Variants in MSANTD2 observed in about 807,000 individuals in gnomAD.
The protein encoded by MSANTD2 is Myb/SANT DNA binding domain containing 2.
MSANTD2 carries 19 observed loss-of-function variants against 52.6 expected under a neutral mutation model. The observed-to-expected ratio is 0.36, with a 90% CI of 0.25 to 0.53. The LOEUF is 0.53. MSANTD2 is among the 20% of genes least tolerant of loss of function. The pLI, the probability that MSANTD2 is intolerant of heterozygous loss-of-function variation, is 0.91. For missense variants in MSANTD2, 558 were observed against 716.3 expected (o/e 0.78, Z 2.52); for synonymous variants, 291 against 289.7 (o/e 1.00, Z -0.04).
At chr11:124,773,106 C>T in intron 2 of MSANTD2, 52 bp from the exon 3 acceptor site, 1 of 1,033,626 alleles carries the variant, frequency 9.7e-7, no homozygotes, top group South Asian at 1.3e-5. Context: ...TGGTGGCATG[C>T]ATGTATGTAG....
At chr11:124,787,900 C>T (rs926860697) in intron 1 of MSANTD2, among the ~76,000 whole-genome samples, 21 of 151,922 alleles carry the variant, frequency 1.4e-4, no homozygotes, top group Non-Finnish European at 2.6e-4. Context: ...AAGAGACCAG[C>T]CTGGGCAACA....
intron 3 of MSANTD2, among the ~76,000 whole-genome samples, chr11:124,768,355 G>C (rs1944381051): frequency 1.3e-5 from 2 of 152,044 alleles, no homozygotes; most frequent in Admixed American, 1.3e-4. Context: ...TGTATAATCA[G>C]AATCAATACC....
chr11:124,772,847 T>C (rs1178333332), intron 3 of MSANTD2, 147 bp downstream of exon 3: 7 of 625,178 alleles, frequency 1.1e-5, no homozygotes, highest in Non-Finnish European at 5.7e-6. Context: ...TTTAAGTGAG[T>C]CCCTGATTAA....
At chr11:124,778,439 C>T (rs928811791) in intron 1 of MSANTD2, among the ~76,000 whole-genome samples, 8 of 152,114 alleles carry the variant, frequency 5.3e-5, no homozygotes, top group Admixed American at 2.6e-4. Context: ...GAAATCTCCC[C>T]GGTAAATTGA....
At chr11:124,788,668 C>A (rs959002248) in intron 1 of MSANTD2, among the ~76,000 whole-genome samples, 1 of 152,130 alleles carries the variant, frequency 6.6e-6, no homozygotes, top group Non-Finnish European at 1.5e-5. Context: ...CTCTTTAGGG[C>A]TCCACATAAT....
intron 1 of MSANTD2, 34 bp downstream of exon 1, chr11:124,799,837 C>G: frequency 2.0e-6 from 3 of 1,521,534 alleles, no homozygotes; most frequent in Non-Finnish European, 2.7e-6. Flanking sequence ...CTCTCTGCCT[C>G]TGGTTCGCTG....
rs1425570205 is a variant in MSANTD2 at position 124,767,767 on chromosome 11, C to T, written c.1089G>A (p.Val363=). The T allele has an allele frequency of 6.2e-7, 1 of 1,614,114 alleles. No homozygotes were observed. Among genetic ancestry groups the T allele is most frequent in the African/African-American group, 1.3e-5 (1 of 74,930 alleles). Reference sequence around the variant, plus strand: ...AAACATTTTTCCAGTTCATTTTCTGCACTCGGGTCATAATGATCCGTCCTT... The same window carrying T: ...AAACATTTTTCCAGTTCATTTTCTGTACTCGGGTCATAATGATCCGTCCTT... ...KPEGRIIMTR[V]QKMNWKNVYY... Residue 363 remains valine, a synonymous_variant, in exon 4 of 4, where the codon GTG becomes GTA. Transcript: ENST00000374979. This position sits in a 1 kb window ranked among gnomAD's most constrained non-coding sequence, Gnocchi z 6.5.
intron 1 of MSANTD2, among the ~76,000 whole-genome samples, chr11:124,796,185 T>C (rs587595): frequency 0.48 from 73,513 of 152,030 alleles, 19,972 homozygotes; most frequent in African/African-American, 0.75. Context: ...AATTTTAGTA[T>C]TTTTACTGTA....
chr11:124,775,498 A>G (rs959986137), intron 1 of MSANTD2: 4 of 154,618 alleles, frequency 2.6e-5, no homozygotes, highest in South Asian at 2.0e-4. Flanking sequence ...CTAGTAAAAC[A>G]TATTACTTAC....
At chr11:124,792,282 T>C (rs1411979156) in intron 1 of MSANTD2, 1 of 152,312 alleles carries the variant, frequency 6.6e-6, no homozygotes, top group Non-Finnish European at 1.5e-5. Flanking sequence ...CCAAAACTAC[T>C]GGCTCCACCA....
intron 1 of MSANTD2, among the ~76,000 whole-genome samples, chr11:124,794,236 A>T (rs987869002): frequency 1.3e-5 from 2 of 152,170 alleles, no homozygotes; most frequent in Non-Finnish European, 1.5e-5. Context: ...CAGAATATTT[A>T]ACTCCACCCT....
chr11:124,786,943 A>C (rs1211335955), intron 1 of MSANTD2, among the ~76,000 whole-genome samples: 1 of 152,222 alleles, frequency 6.6e-6, no homozygotes, highest in Non-Finnish European at 1.5e-5. Context: ...GGTTCCAGAG[A>C]AACACTGCTT....
intron 3 of MSANTD2, among the ~76,000 whole-genome samples, chr11:124,769,352 TGA>T (rs1251150974): frequency 5.9e-5 from 9 of 152,248 alleles, no homozygotes; most frequent in Admixed American, 3.9e-4. Flanking sequence ...CTTTCAAGTA[TGA>T]GAGTGGCTAT....
At chr11:124,797,611 G>A (rs1830032265) in intron 1 of MSANTD2, among the ~76,000 whole-genome samples, 1 of 152,168 alleles carries the variant, frequency 6.6e-6, no homozygotes, top group Non-Finnish European at 1.5e-5. Flanking sequence ...ATTCTGGCAG[G>A]AACACTCAAC....
intron 3 of MSANTD2, among the ~76,000 whole-genome samples, chr11:124,772,008 A>G (rs1944541849): frequency 6.6e-6 from 1 of 152,238 alleles, no homozygotes; most frequent in South Asian, 2.1e-4. Context: ...ACTTAAAGCT[A>G]TTAAAAAGAA....
chr11:124,767,630 T>C lies in MSANTD2; in HGVS notation c.1226A>G (p.Gln409Arg), dbSNP rs542477471. 2 of 1,614,220 alleles carry C rather than the reference T, an allele frequency of 1.2e-6. No individual in the cohort carries two copies. Among genetic ancestry groups the C allele is most frequent in the East Asian group, 2.2e-5 (1 of 44,890 alleles). Residue 409 changes from glutamine (Q) to arginine (R), a missense_variant, in exon 4 of 4, where the codon CAA becomes CGA. Physicochemically the swap from Gln to Arg is conservative, Grantham distance 43 (BLOSUM62 1). This residue lies in a region of MSANTD2 where 408 missense variants were observed against 573.6 expected (regional missense o/e 0.71). Transcript: ENST00000374979. The surrounding 1 kb of genome is among the most constrained non-coding windows in gnomAD (Gnocchi z 6.5). ...AGGAATACCCCCAGGCAATAAATAT[T>C]GAACAACATTCCCACCAGTTGGTTT... Reference protein sequence around the residue: ...HSKPTGGNVVQYLLPGGIPKS... With the variant: ...HSKPTGGNVVRYLLPGGIPKS...
Position 124,768,033 on chromosome 11 carries a change from A to G in MSANTD2, c.828-5T>C, listed in dbSNP as rs375850963. Reference sequence around the variant, plus strand: ...TTCTGCATGATGTCTCTCTTCCTGGAAAGACAAATAAAAGTCAAATTCCCT... The same window carrying G: ...TTCTGCATGATGTCTCTCTTCCTGGGAAGACAAATAAAAGTCAAATTCCCT... On this transcript the variant is annotated splice_region_variant and splice_polypyrimidine_tract_variant and intron_variant, in intron 3 of 3. Transcript: ENST00000374979. 5.3e-5 allele frequency: 85 copies of G among 1,589,738 alleles called. No homozygotes were observed. Among genetic ancestry groups the G allele is most frequent in the African/African-American group, 3.0e-4 (22 of 73,870 alleles).
chr11:124,789,422 C>G (rs1945262264), intron 1 of MSANTD2: 2 of 152,256 alleles, frequency 1.3e-5, no homozygotes, highest in Admixed American at 6.5e-5. Flanking sequence ...TCTAAGTAAA[C>G]AACTTCTACT....
Position 124,772,897 on chromosome 11 carries a change from C to T in MSANTD2, c.827+97G>A, listed in dbSNP as rs540923562. On this transcript the variant is annotated intron_variant, in intron 3 of 3. Coordinates refer to ENST00000374979, the MANE Select transcript of MSANTD2 (RefSeq NM_001308027.2). The stretch of plus-strand genomic sequence containing the variant: ...TAGACATGCCTCCTTGGTGAATGGC[C>T]GGAACTTTCATAATATGTCTAAATA... 60 of 792,034 alleles carry T rather than the reference C, an allele frequency of 7.6e-5. 1 individual carries two copies. In the African/African-American group the frequency reaches 8.3e-4, roughly 11 times the overall value. The allele number at this position is 792,034 out of a possible 1,614,324, so 49.1% of individuals were successfully genotyped here.
Sources: gnomAD v4.1 joint callset for allele counts (sites outside exome capture counted in the v4.1 genomes callset) on GRCh38, gnomAD v4.1.1 for gene constraint, gnomAD v4.1.1 regional missense constraint, Gnocchi (gnomAD v3.1) non-coding constraint, MANE v1.5 for transcripts, NCBI Gene and HGNC (gene_info 2026-07-23, HGNC 2026-07-21) for gene names.